POLN: variants seen among roughly 807,000 people sequenced by gnomAD.
POLN encodes the protein DNA polymerase nu, also known as DNA polymerase N.
Under a neutral mutation model 113.5 loss-of-function variants are expected in POLN, and 108 were observed. The observed-to-expected ratio is 0.95, with a 90% CI of 0.81 to 1.12. The LOEUF (loss-of-function observed/expected upper bound fraction) is 1.12. Among genes scored for constraint, POLN ranks in the 50% most tolerant of loss-of-function variants. The pLI is 0.00. For missense variants in POLN, 1,097 were observed against 1,077.1 expected (o/e 1.02, Z -0.26); for synonymous variants, 386 against 391.5 (o/e 0.99, Z 0.17).
chr4:2,208,788 G>A (rs146151684), intron 4 of POLN, among the ~76,000 whole-genome samples: 2 of 152,264 alleles, frequency 1.3e-5, no homozygotes, highest in Non-Finnish European at 2.9e-5. Flanking sequence ...TCAGGAATTC[G>A]AGATGAGTCT....
chr4:2,170,652 A>G (rs1053378258), intron 13 of POLN, 27 bp downstream of exon 13: 14 of 1,588,204 alleles, frequency 8.8e-6, no homozygotes, highest in Non-Finnish European at 1.2e-5. Flanking sequence ...CATTCTAAAA[A>G]GAAAAAGGAT....
At chr4:2,101,514 T>C (rs1260313195) in intron 19 of POLN, among the ~76,000 whole-genome samples, 2 of 152,222 alleles carry the variant, frequency 1.3e-5, no homozygotes, top group Non-Finnish European at 2.9e-5. Context: ...TGTGGTCCAC[T>C]TTCCCACTGG....
chr4:2,241,042 C>A, intron 2 of POLN: 2 of 875,300 alleles, frequency 2.3e-6, no homozygotes, highest in South Asian at 3.1e-5. Context: ...ACGTTTTATA[C>A]CAAGTCCACA....
At chr4:2,095,129 T>G (rs1178769351) in intron 20 of POLN, among the ~76,000 whole-genome samples, 1 of 138,218 alleles carries the variant, frequency 7.2e-6, no homozygotes, top group East Asian at 2.1e-4. Flanking sequence ...CAAGGGAGAG[T>G]AGAAGAAGGG....
At chr4:2,113,330 T>C (rs551448645) in intron 19 of POLN, among the ~76,000 whole-genome samples, 1 of 151,658 alleles carries the variant, frequency 6.6e-6, no homozygotes, top group Admixed American at 6.6e-5. Context: ...GGCACATATA[T>C]ACATATGTAA....
At chr4:2,130,133 T>C (rs1172045525) in intron 17 of POLN, among the ~76,000 whole-genome samples, 3 of 151,948 alleles carry the variant, frequency 2.0e-5, no homozygotes, top group African/African-American at 4.8e-5. Flanking sequence ...TGCATGCCTG[T>C]AATCCCAGCT....
At chr4:2,178,808 C>T (rs1733060022) in intron 8 of POLN, among the ~76,000 whole-genome samples, 1 of 152,138 alleles carries the variant, frequency 6.6e-6, no homozygotes, top group African/African-American at 2.4e-5. Context: ...GACAGGGTTT[C>T]ACCAGGTTGG....
intron 19 of POLN, among the ~76,000 whole-genome samples, chr4:2,097,460 C>G (rs1202992334): frequency 6.6e-6 from 1 of 152,002 alleles, no homozygotes; most frequent in Non-Finnish European, 1.5e-5. Flanking sequence ...AAGTGATTCT[C>G]CTGTCTCAGC....
chr4:2,239,280 A>C (rs541808907), intron 2 of POLN, among the ~76,000 whole-genome samples: 1 of 152,314 alleles, frequency 6.6e-6, no homozygotes, highest in African/African-American at 2.4e-5. Flanking sequence ...CGGCTACCAA[A>C]ATAGAGATCT....
At chr4:2,106,013 T>G (rs2108708057) in intron 19 of POLN, among the ~76,000 whole-genome samples, 1 of 152,286 alleles carries the variant, frequency 6.6e-6, no homozygotes, top group Middle Eastern at 3.4e-3. Flanking sequence ...CACTTCACTC[T>G]TATTGAGCAA....
intron 16 of POLN, among the ~76,000 whole-genome samples, chr4:2,134,988 A>G (rs916261756): frequency 3.9e-5 from 6 of 151,988 alleles, no homozygotes; most frequent in African/African-American, 1.2e-4. Context: ...TCCCCCCAAT[A>G]CTGATGATGT....
intron 16 of POLN, 74 bp downstream of exon 16, chr4:2,156,714 A>C (rs1489869646): frequency 4.2e-6 from 5 of 1,192,940 alleles, no homozygotes; most frequent in African/African-American, 1.5e-5. Flanking sequence ...ACAGGCAAAC[A>C]CATATGGAGA....
chr4:2,088,635 A>G, intron 20 of POLN: 1 of 660,914 alleles, frequency 1.5e-6, no homozygotes, highest in Non-Finnish European at 2.2e-6. Flanking sequence ...TTTGAATCCC[A>G]TAATATAAAG....
intron 13 of POLN, among the ~76,000 whole-genome samples, chr4:2,164,545 G>A (rs905393156): frequency 4.8e-5 from 7 of 147,296 alleles, no homozygotes; most frequent in South Asian, 2.2e-4. Context: ...GCTCACGCCT[G>A]TAATCCCAGC....
At chr4:2,094,363 C>CAAAAAAAAAAAAAA (rs57646944) in intron 20 of POLN, among the ~76,000 whole-genome samples, 39,843 of 53,464 alleles carry the variant, frequency 0.75, 15,576 homozygotes, top group Non-Finnish European at 0.82. Flanking sequence ...GTTCTGTCTC[C>CAAAAAAAAAAAAAA]AAAAAAAAAA....
chr4:2,144,121 T>A (rs953493786), intron 16 of POLN, among the ~76,000 whole-genome samples: 1 of 151,484 alleles, frequency 6.6e-6, no homozygotes, highest in East Asian at 1.9e-4. Flanking sequence ...ATAAAATACA[T>A]ATTCACTGTT....
At chr4:2,129,446 T>C (rs1218594003) in intron 17 of POLN, among the ~76,000 whole-genome samples, 190 bp from the exon 18 acceptor site, 4 of 152,080 alleles carry the variant, frequency 2.6e-5, no homozygotes, top group Admixed American at 6.5e-5. Flanking sequence ...TGGAGTGCAG[T>C]GGCACAATCA....
At chr4:2,082,779 T>C (rs1730452523) in intron 21 of POLN, 1 of 152,276 alleles carries the variant, frequency 6.6e-6, no homozygotes, top group Admixed American at 6.5e-5. Context: ...TCTGCTGCTT[T>C]GTCGGTCTAG....
At chr4:2,091,591 CAT>C (rs1038589888) in intron 20 of POLN, among the ~76,000 whole-genome samples, 1 of 152,190 alleles carries the variant, frequency 6.6e-6, no homozygotes, top group Non-Finnish European at 1.5e-5. Flanking sequence ...TCCTTCTTTT[CAT>C]AGAACTTGTC....
Sources: allele counts gnomAD v4.1 joint callset (sites outside exome capture counted in the v4.1 genomes callset), GRCh38; gene constraint gnomAD v4.1.1; transcripts MANE v1.5; gene names NCBI Gene and HGNC (gene_info 2026-07-23, HGNC 2026-07-21).